Variants in ASPRV1 observed in about 807,000 individuals in gnomAD.
ASPRV1 encodes the protein aspartic peptidase retroviral like 1, also known as retroviral-like aspartic protease 1.
ASPRV1 carries 7 observed loss-of-function variants against 11.0 expected under a neutral mutation model. That is an observed-to-expected ratio of 0.64 (90% confidence interval 0.36 to 1.20). The LOEUF (loss-of-function observed/expected upper bound fraction) is 1.20. ASPRV1 is among the 50% of genes most tolerant of loss of function. The probability of loss-of-function intolerance (pLI) is 0.02; values close to 1 mark genes in which losing one functional copy is unlikely to be tolerated. For synonymous variants in ASPRV1, 136 were observed against 138.4 expected (o/e 0.98, Z 0.12); for missense variants, 299 against 320.0 (o/e 0.93, Z 0.50).
chr2:70,042,548 G>A, the ASPRV1 span, among the ~76,000 whole-genome samples: 1 of 152,312 alleles, frequency 6.6e-6, no homozygotes, highest in African/African-American at 2.4e-5. Flanking sequence ...CCAAAATAAA[G>A]GTGAGATGGA....
the ASPRV1 span, among the ~76,000 whole-genome samples, chr2:70,010,252 C>T: frequency 1.3e-5 from 2 of 151,886 alleles, no homozygotes; most frequent in East Asian, 1.9e-4. Context: ...GCTCTAAGGA[C>T]GTGATAAGGG....
chr2:70,021,113 T>C, the ASPRV1 span, among the ~76,000 whole-genome samples: 2 of 152,178 alleles, frequency 1.3e-5, no homozygotes, highest in African/African-American at 2.4e-5. Flanking sequence ...TCCATTCTTA[T>C]GTATGTGGAA....
upstream of ASPRV1, among the ~76,000 whole-genome samples, chr2:69,964,990 A>T (rs891091042): frequency 6.6e-6 from 1 of 152,220 alleles, no homozygotes; most frequent in Non-Finnish European, 1.5e-5. Context: ...GACTGGGCCC[A>T]TCGGGCCTCC....
the ASPRV1 span, among the ~76,000 whole-genome samples, chr2:69,982,741 C>T: frequency 2.6e-5 from 4 of 152,218 alleles, no homozygotes; most frequent in East Asian, 3.9e-4. Flanking sequence ...CCTTCTCAGG[C>T]CTGCAGCTGG....
the ASPRV1 span, among the ~76,000 whole-genome samples, chr2:69,979,741 C>T: frequency 6.6e-6 from 1 of 152,166 alleles, no homozygotes; most frequent in African/African-American, 2.4e-5. Flanking sequence ...GTTTCCTCCT[C>T]CTCAGGCACC....
chr2:70,000,076 A>G, the ASPRV1 span, among the ~76,000 whole-genome samples: 2 of 152,322 alleles, frequency 1.3e-5, no homozygotes, highest in Non-Finnish European at 2.9e-5. Flanking sequence ...CTCTAGCCTC[A>G]TGGTTTGGAA....
chr2:69,956,486 A>AGAAGAAGAAAAGAG (rs1677944319), downstream of ASPRV1, among the ~76,000 whole-genome samples: 1 of 150,984 alleles, frequency 6.6e-6, no homozygotes, highest in African/African-American at 2.5e-5. Context: ...GAAAAGAGGA[A>AGAAGAAGAAAAGAG]GAAGAAGAAG....
the ASPRV1 span, among the ~76,000 whole-genome samples, chr2:69,974,578 T>C: frequency 6.6e-6 from 1 of 152,206 alleles, no homozygotes; most frequent in African/African-American, 2.4e-5. Flanking sequence ...AGCAGGGCCC[T>C]CAAAAGGCTC....
chr2:70,007,534 T>C, the ASPRV1 span, among the ~76,000 whole-genome samples: 1 of 151,782 alleles, frequency 6.6e-6, no homozygotes, highest in Non-Finnish European at 1.5e-5. Flanking sequence ...AAAAAAGAAC[T>C]ATATCTACTT....
the ASPRV1 span, among the ~76,000 whole-genome samples, chr2:69,968,807 C>T: frequency 7.9e-5 from 12 of 152,146 alleles, no homozygotes; most frequent in Admixed American, 7.2e-4. Context: ...CAAGCAGTCC[C>T]GACTGTGGCT....
the ASPRV1 span, among the ~76,000 whole-genome samples, chr2:69,967,914 C>T: frequency 6.6e-6 from 1 of 151,858 alleles, no homozygotes; most frequent in African/African-American, 2.4e-5. Flanking sequence ...AACCCTGGCT[C>T]TACTAAAAAT....
the ASPRV1 span, among the ~76,000 whole-genome samples, chr2:70,037,051 C>G: frequency 6.6e-6 from 1 of 152,172 alleles, no homozygotes; most frequent in South Asian, 2.1e-4. Flanking sequence ...CCACCTATTG[C>G]TTCTACTTTA....
chr2:69,965,680 A>G (rs1678316647), upstream of ASPRV1, among the ~76,000 whole-genome samples: 1 of 151,980 alleles, frequency 6.6e-6, no homozygotes, highest in Non-Finnish European at 1.5e-5. Context: ...CTTATCCCCA[A>G]ACCTAAACCC....
the ASPRV1 span, among the ~76,000 whole-genome samples, chr2:70,027,387 C>T: frequency 6.6e-6 from 1 of 151,690 alleles, no homozygotes; most frequent in East Asian, 1.9e-4. Flanking sequence ...TCCAGCAATC[C>T]TACTGCTAGG....
chr2:70,052,007 A>T, the ASPRV1 span, among the ~76,000 whole-genome samples: 18 of 152,226 alleles, frequency 1.2e-4, no homozygotes, highest in South Asian at 3.7e-3. Context: ...TCATTCTATG[A>T]TATAGAATGA....
the ASPRV1 span, chr2:69,996,903 A>T: frequency 9.8e-6 from 3 of 304,814 alleles, no homozygotes; most frequent in South Asian, 7.9e-5. Flanking sequence ...AAAGAAAGAA[A>T]ATGACCCAAA....
chr2:70,010,966 C>T, the ASPRV1 span, among the ~76,000 whole-genome samples: 33,671 of 152,022 alleles, frequency 0.22, 6,501 homozygotes, highest in African/African-American at 0.49. Context: ...TATGTATTTA[C>T]TTAATGAAAA....
In ASPRV1 at chr2:69,961,602, G is replaced by A; in HGVS notation, c.-166C>T. ...AGGGAGCAGGCGCGGTCGGCTGGCT[G>A]ACTGCTGGGGCAGAGGCAGGCAGTG... is the stretch of plus-strand genomic sequence containing the variant. On this transcript the variant is annotated 5_prime_UTR_variant, in exon 1 of 1. Coordinates refer to ENST00000320256, the MANE Select transcript of ASPRV1 (RefSeq NM_152792.4). 6.2e-7 allele frequency: 1 copy of A among 1,612,016 alleles called. No homozygotes were observed. Among genetic ancestry groups the A allele is most frequent in the Non-Finnish European group, 8.5e-7 (1 of 1,178,654 alleles).
At chr2:69,975,406 C>G in the ASPRV1 span, 2 of 152,760 alleles carry the variant, frequency 1.3e-5, no homozygotes, top group African/African-American at 2.4e-5. Flanking sequence ...GCCTCCCTGC[C>G]GGTGCTGCTC....
Sources: allele counts gnomAD v4.1 joint callset (sites outside exome capture counted in the v4.1 genomes callset), GRCh38; gene constraint gnomAD v4.1.1; transcripts MANE v1.5; gene names NCBI Gene and HGNC (gene_info 2026-07-23, HGNC 2026-07-21).